NEDD4: variants seen among roughly 807,000 people sequenced by gnomAD.
NEDD4 encodes NEDD4 E3 ubiquitin protein ligase, also known as E3 ubiquitin-protein ligase NEDD4.
In NEDD4, 99 loss-of-function variants were observed where a neutral mutation model predicts 144.9. The observed-to-expected ratio is 0.68, with a 90% CI of 0.58 to 0.81. NEDD4 has a LOEUF of 0.81. Among genes scored for constraint, NEDD4 ranks in the 30% least tolerant of loss-of-function variants. The probability of loss-of-function intolerance (pLI) is 0.00; values close to 1 mark genes in which losing one functional copy is unlikely to be tolerated. For missense variants in NEDD4, 985 were observed against 1,065.9 expected, an observed-to-expected ratio of 0.92 and a Z score of 1.06; for synonymous variants, 318 against 350.6, an observed-to-expected ratio of 0.91 and a Z score of 1.04.
chr15:55,929,016 C>T (rs2036729625), intron 4 of NEDD4, among the ~76,000 whole-genome samples: 1 of 151,984 alleles, frequency 6.6e-6, no homozygotes, highest in South Asian at 2.1e-4. Flanking sequence ...GATATAAAAC[C>T]ATTACAGCAA....
intron 5 of NEDD4, among the ~76,000 whole-genome samples, chr15:55,902,955 C>T (rs190724263): frequency 6.6e-6 from 1 of 152,028 alleles, no homozygotes; most frequent in Admixed American, 6.6e-5. Flanking sequence ...GAACCGAGAT[C>T]GTGCTATTGC....
At chr15:55,894,388 C>T (rs956511394) in intron 5 of NEDD4, among the ~76,000 whole-genome samples, 7 of 152,016 alleles carry the variant, frequency 4.6e-5, no homozygotes, top group African/African-American at 7.2e-5. Flanking sequence ...AAATTTTATA[C>T]CACTTTATTT....
At chr15:55,928,013 C>A (rs534935583) in intron 4 of NEDD4, among the ~76,000 whole-genome samples, 2 of 152,030 alleles carry the variant, frequency 1.3e-5, no homozygotes, top group African/African-American at 4.8e-5. Flanking sequence ...GGATTCACTA[C>A]CTCAACTATC....
intron 7 of NEDD4, among the ~76,000 whole-genome samples, chr15:55,871,665 C>T (rs1463657510): frequency 2.0e-5 from 3 of 152,020 alleles, no homozygotes; most frequent in East Asian, 3.9e-4. Context: ...ATTTACATTA[C>T]AAACAGTAAT....
chr15:55,853,953 G>T (rs1566911580), intron 12 of NEDD4, among the ~76,000 whole-genome samples: 1 of 152,050 alleles, frequency 6.6e-6, no homozygotes, highest in Non-Finnish European at 1.5e-5. Context: ...TTGCACCATT[G>T]CACTCTAGCC....
At chr15:55,921,699 T>C (rs2036572352) in intron 5 of NEDD4, among the ~76,000 whole-genome samples, 1 of 152,218 alleles carries the variant, frequency 6.6e-6, no homozygotes, top group Non-Finnish European at 1.5e-5. Context: ...AATTTTGTCA[T>C]ATTTATCCAT....
intron 12 of NEDD4, among the ~76,000 whole-genome samples, chr15:55,853,286 G>T (rs1008099674): frequency 6.6e-6 from 1 of 152,112 alleles, no homozygotes; most frequent in Non-Finnish European, 1.5e-5. Flanking sequence ...CAATAATAAT[G>T]AGAGTGATAA....
chr15:55,983,126 A>G (rs1248463434), intron 1 of NEDD4, among the ~76,000 whole-genome samples: 2 of 151,180 alleles, frequency 1.3e-5, no homozygotes, highest in African/African-American at 4.9e-5. Flanking sequence ...CCATCTCTTA[A>G]AAAAAAAAAT....
intron 2 of NEDD4, among the ~76,000 whole-genome samples, chr15:55,962,435 T>C (rs2037441668): frequency 2.0e-5 from 3 of 152,148 alleles, no homozygotes; most frequent in African/African-American, 7.2e-5. Flanking sequence ...GTCACTGCCC[T>C]TTACGTTGTT....
chr15:55,914,200 G>T (rs1434672113), intron 5 of NEDD4, among the ~76,000 whole-genome samples: 1 of 148,138 alleles, frequency 6.8e-6, no homozygotes, highest in Non-Finnish European at 1.5e-5. Flanking sequence ...TTATCCAGAA[G>T]TTTTTTTTTT....
chr15:55,993,355 A>G (rs999555347), intron 1 of NEDD4, among the ~76,000 whole-genome samples, 156 bp downstream of exon 1: 10 of 152,084 alleles, frequency 6.6e-5, no homozygotes, highest in Non-Finnish European at 1.2e-4. Context: ...CCGCCCCCAC[A>G]GTCCCCGCGG....
chr15:55,837,826 A>C lies in NEDD4; in HGVS notation c.2225T>G (p.Val742Gly). 1 of 1,612,212 alleles carries C rather than the reference A, an allele frequency of 6.2e-7. No homozygotes were observed. The highest frequency in any genetic ancestry group is 8.5e-7 in the Non-Finnish European group (1 of 1,178,916). Residue 742 changes from valine to glycine, a missense_variant, in exon 24 of 29, where the codon GTA becomes GGA. Coordinates refer to ENST00000435532, the MANE Select transcript of NEDD4 (RefSeq NM_006154.4). Reference sequence around the variant, plus strand: ...AGCCATTTGCTTCTGGATTCGGTTTACAAATCGCCATTGTATTACAAGACT... The same window carrying C: ...AGCCATTTGCTTCTGGATTCGGTTTCCAAATCGCCATTGTATTACAAGACT... Reference protein sequence around the residue: ...YIYLVIQWRFVNRIQKQMAAF... With the variant: ...YIYLVIQWRFGNRIQKQMAAF...
Position 55,974,898 on chromosome 15 carries a change from T to TCC in NEDD4, c.46-8353_46-8352insGG, listed in dbSNP as rs1566974974. ...GTCCATTTCTTTTCCTTTCTTTTTTTTTTTTTTTTTTTTTGAGATGGAGTC... is the reference window on the plus strand; with the variant it reads ...GTCCATTTCTTTTCCTTTCTTTTTTTCCTTTTTTTTTTTTTTGAGATGGAGTC... On this transcript the variant is annotated intron_variant, in intron 1 of 28. Transcript: ENST00000435532. Among the ~76,000 whole-genome samples, 466 of 128,368 alleles carry TCC rather than the reference T, an allele frequency of 3.6e-3. 5 individuals carry two copies. Among genetic ancestry groups the TCC allele is most frequent in the African/African-American group, 0.013 (445 of 34,436 alleles). 84.2% of individuals were successfully genotyped at this position (128,368 alleles called of 152,430 possible).
intron 26 of NEDD4, 63 bp downstream of exon 26, chr15:55,833,975 G>T: frequency 8.5e-7 from 1 of 1,179,312 alleles, no homozygotes; most frequent in Non-Finnish European, 1.2e-6. Context: ...TTAATCAAGA[G>T]TTGACTTAAA....
intron 5 of NEDD4, among the ~76,000 whole-genome samples, chr15:55,921,135 T>C (rs955614285): frequency 4.2e-4 from 64 of 152,166 alleles, no homozygotes; most frequent in African/African-American, 1.4e-3. Context: ...TTCATCGTCA[T>C]TGTCTCATTT....
At chr15:55,975,006 C>T (rs2037677092) in intron 1 of NEDD4, among the ~76,000 whole-genome samples, 1 of 149,374 alleles carries the variant, frequency 6.7e-6, no homozygotes, top group South Asian at 2.1e-4. Context: ...GATTCTCCTG[C>T]CTCAGCCTCC....
rs750534490 is a variant in NEDD4, at chr15:55,838,196, A to T, written c.2128-16T>A. 2 of 1,530,490 alleles carry T rather than the reference A, an allele frequency of 1.3e-6. No homozygotes were observed. Among genetic ancestry groups the T allele is most frequent in the African/African-American group, 2.7e-5 (2 of 73,034 alleles). 94.8% of individuals were successfully genotyped at this position (1,530,490 alleles called of 1,614,324 possible). On this transcript the variant is annotated splice_polypyrimidine_tract_variant and intron_variant, in intron 22 of 28. Coordinates refer to ENST00000435532, the MANE Select transcript of NEDD4 (RefSeq NM_006154.4). ...GTTGATGTGTCTAAAATTAAACACA[A>T]TAACTTGATATGTTATTTTAGCGAG...
chr15:55,833,179 A>T (rs1315458987), intron 26 of NEDD4, 75 bp from the exon 27 acceptor site: 1 of 926,342 alleles, frequency 1.1e-6, no homozygotes, highest in Admixed American at 2.1e-5. Flanking sequence ...AACATAAGCT[A>T]TCGGAATTTA....
Position 55,915,360 on chromosome 15 carries a change from C to T in NEDD4, c.291+9286G>A, listed in dbSNP as rs759188409. On this transcript the variant is annotated intron_variant, in intron 5 of 28. Transcript: ENST00000435532. ...TAAATTATCCACTTTACCTTCATTT[C>T]CAGATGCAAACTTTATGAGTAACTG... 52 of 1,613,226 alleles carry T rather than the reference C, an allele frequency of 3.2e-5. No homozygotes were observed. Among genetic ancestry groups the T allele is most frequent in the Non-Finnish European group, 4.2e-5 (50 of 1,179,658 alleles).
Sources: gnomAD v4.1 joint callset for allele counts (sites outside exome capture counted in the v4.1 genomes callset) on GRCh38, gnomAD v4.1.1 for gene constraint, MANE v1.5 for transcripts, NCBI Gene and HGNC (gene_info 2026-07-23, HGNC 2026-07-21) for gene names.